Variants in ZFPM2 observed in about 807,000 individuals in gnomAD.
ZFPM2 encodes the protein zinc finger protein ZFPM2.
In ZFPM2, 20 loss-of-function variants were observed where a neutral mutation model predicts 98.6. That is an observed-to-expected ratio of 0.20 (90% confidence interval 0.14 to 0.29). The LOEUF (loss-of-function observed/expected upper bound fraction) is 0.29, where lower values mean the gene tolerates loss of function less well. ZFPM2 is among the 10% of genes least tolerant of loss of function. The pLI, the probability that ZFPM2 is intolerant of heterozygous loss-of-function variation, is 1.00. For missense variants in ZFPM2, 1,310 were observed against 1,388.6 expected (o/e 0.94, Z 0.90); for synonymous variants, 518 against 502.7 (o/e 1.03, Z -0.41).
chr8:105,500,451 G>C (rs1163163854), intron 3 of ZFPM2, among the ~76,000 whole-genome samples: 1 of 152,026 alleles, frequency 6.6e-6, no homozygotes, highest in Non-Finnish European at 1.5e-5. Flanking sequence ...TGTCATTTCT[G>C]GCCTGTATCC....
chr8:105,461,432 A>G (rs1209550946), intron 3 of ZFPM2, among the ~76,000 whole-genome samples: 2 of 152,172 alleles, frequency 1.3e-5, no homozygotes, highest in Non-Finnish European at 2.9e-5. Context: ...TTAAATCTGT[A>G]GGATTCAGGA....
At chr8:105,397,030 T>C (rs1010783857) in intron 1 of ZFPM2, among the ~76,000 whole-genome samples, 2 of 152,218 alleles carry the variant, frequency 1.3e-5, no homozygotes, top group African/African-American at 4.8e-5. Context: ...TCAAATAATG[T>C]ATTTTTATCT....
At chr8:105,771,727 A>G (rs1461046334) in intron 5 of ZFPM2, among the ~76,000 whole-genome samples, 1 of 152,038 alleles carries the variant, frequency 6.6e-6, no homozygotes, top group Admixed American at 6.6e-5. Context: ...TGCCCTTCCT[A>G]ACTGAACTGT....
chr8:105,732,230 C>T (rs1811957802), intron 5 of ZFPM2, among the ~76,000 whole-genome samples: 2 of 151,928 alleles, frequency 1.3e-5, no homozygotes, highest in African/African-American at 4.8e-5. Context: ...ATTACAACAA[C>T]AAGACAAAAA....
chr8:105,482,052 T>G (rs1050201158), intron 3 of ZFPM2, among the ~76,000 whole-genome samples: 1 of 152,222 alleles, frequency 6.6e-6, no homozygotes, highest in Non-Finnish European at 1.5e-5. Context: ...GATTGTGTAA[T>G]GTTTTTCTGC....
intron 4 of ZFPM2, among the ~76,000 whole-genome samples, chr8:105,603,234 A>G (rs1816128630): frequency 6.6e-6 from 1 of 152,128 alleles, no homozygotes; most frequent in Non-Finnish European, 1.5e-5. Context: ...AGTGGTGTAC[A>G]AATTTAGAAT....
intron 1 of ZFPM2, among the ~76,000 whole-genome samples, chr8:105,407,734 T>G (rs1432848354): frequency 6.6e-6 from 1 of 151,984 alleles, no homozygotes; most frequent in African/African-American, 2.4e-5. Flanking sequence ...GCTATTAAAT[T>G]AACATTGAAA....
intron 5 of ZFPM2, among the ~76,000 whole-genome samples, chr8:105,695,960 T>C (rs1811008383): frequency 6.6e-6 from 1 of 152,154 alleles, no homozygotes; most frequent in African/African-American, 2.4e-5. Context: ...AGAATCTTTG[T>C]CTTACTTTTC....
chr8:105,729,381 CT>C (rs1205193028), intron 5 of ZFPM2, among the ~76,000 whole-genome samples: 4 of 149,300 alleles, frequency 2.7e-5, no homozygotes, highest in Non-Finnish European at 4.5e-5. Context: ...TGTTGTGTGT[CT>C]TTTTTTTTGG....
chr8:105,468,921 T>C (rs1019876046), intron 3 of ZFPM2, among the ~76,000 whole-genome samples: 6 of 152,132 alleles, frequency 3.9e-5, no homozygotes, highest in Admixed American at 6.6e-5. Context: ...TAATCCTCTT[T>C]CCTCTCTGCT....
At chr8:105,579,491 C>T (rs28503565) in intron 4 of ZFPM2, among the ~76,000 whole-genome samples, 120 of 152,184 alleles carry the variant, frequency 7.9e-4, no homozygotes, top group African/African-American at 2.6e-3. Context: ...GGGGACTGCA[C>T]TTTCAGGATA....
chr8:105,682,156 T>C (rs908541330), intron 5 of ZFPM2, among the ~76,000 whole-genome samples: 9 of 152,174 alleles, frequency 5.9e-5, no homozygotes, highest in African/African-American at 2.2e-4. Flanking sequence ...ATGTGATTAA[T>C]ATCAGCATCA....
chr8:105,496,974 C>T (rs552488814), intron 3 of ZFPM2, among the ~76,000 whole-genome samples: 5 of 109,692 alleles, frequency 4.6e-5, no homozygotes, highest in African/African-American at 1.8e-4. Flanking sequence ...AAGAGTGAAA[C>T]TCCGTCTCAA....
At chr8:105,422,166 G>A (rs1353832533) in intron 2 of ZFPM2, among the ~76,000 whole-genome samples, 4 of 151,600 alleles carry the variant, frequency 2.6e-5, no homozygotes, top group South Asian at 2.1e-4. Flanking sequence ...GGCCGGGCGC[G>A]ATGGCTGACG....
At chr8:105,434,678 C>G (rs995883145) in intron 2 of ZFPM2, among the ~76,000 whole-genome samples, 2 of 152,134 alleles carry the variant, frequency 1.3e-5, no homozygotes, top group African/African-American at 4.8e-5. Context: ...TTAAAAAATA[C>G]TTTGATGATT....
chr8:105,666,758 C>A (rs1435270819), intron 5 of ZFPM2, among the ~76,000 whole-genome samples: 1 of 150,812 alleles, frequency 6.6e-6, no homozygotes, highest in Non-Finnish European at 1.5e-5. Context: ...TGAATCAAGG[C>A]AGTGGTACAA....
At chr8:105,550,943 C>T (rs766399838) in intron 3 of ZFPM2, among the ~76,000 whole-genome samples, 1 of 152,046 alleles carries the variant, frequency 6.6e-6, no homozygotes, top group South Asian at 2.1e-4. Flanking sequence ...TATATGCAAC[C>T]GTGAAGATAT....
At chr8:105,411,371 GATT>G (rs1563646462) in intron 1 of ZFPM2, among the ~76,000 whole-genome samples, 3 of 151,702 alleles carry the variant, frequency 2.0e-5, no homozygotes, top group African/African-American at 4.8e-5. Context: ...TCCTTAACTG[GATT>G]ATCCACTCAC....
chr8:105,562,309 C>A (rs539130783), intron 4 of ZFPM2, among the ~76,000 whole-genome samples: 1 of 133,124 alleles, frequency 7.5e-6, no homozygotes, highest in Non-Finnish European at 1.6e-5. Flanking sequence ...GACTCCATCT[C>A]AAAATAATAA....
Sources: gnomAD v4.1 joint callset for allele counts (sites outside exome capture counted in the v4.1 genomes callset) on GRCh38, gnomAD v4.1.1 for gene constraint, MANE v1.5 for transcripts, NCBI Gene and HGNC (gene_info 2026-07-23, HGNC 2026-07-21) for gene names.